PELI2: variants seen among roughly 807,000 people sequenced by gnomAD.
PELI2 encodes E3 ubiquitin-protein ligase pellino homolog 2.
Under a neutral mutation model 42.3 loss-of-function variants are expected in PELI2, and 23 were observed. The observed-to-expected ratio is 0.54, with a 90% CI of 0.39 to 0.77. The LOEUF (loss-of-function observed/expected upper bound fraction) is 0.77, where lower values mean the gene tolerates loss of function less well. Ranked by LOEUF, PELI2 falls within the 30% of genes least tolerant of loss-of-function variation. The pLI is 0.00. For synonymous variants in PELI2, 245 were observed against 212.2 expected (o/e 1.15, Z -1.34); for missense variants, 463 against 553.2 (o/e 0.84, Z 1.64).
At chr14:56,177,006 A>G (rs943511529) in intron 1 of PELI2, among the ~76,000 whole-genome samples, 11 of 152,248 alleles carry the variant, frequency 7.2e-5, no homozygotes. Flanking sequence ...CACGTTTAAG[A>G]AAATAGTGTA....
chr14:56,296,280 C>G lies in PELI2; in HGVS notation c.697-320C>G, dbSNP rs369287997. 1.3e-4 allele frequency among the ~76,000 whole-genome samples: 20 copies of G among 152,232 alleles called. 1 individual carries two copies. Among genetic ancestry groups the G allele is most frequent in the Admixed American group, 8.5e-4 (13 of 15,300 alleles). ...GATCAGTGAGTCATTGTGTTACTGA[C>G]TTAAGGAGTTAAAAAGAAAATCTTA... On this transcript the variant is annotated intron_variant, in intron 5 of 5. Coordinates refer to ENST00000267460, the MANE Select transcript of PELI2 (RefSeq NM_021255.3).
At chr14:56,176,971 G>C (rs1306515450) in intron 1 of PELI2, among the ~76,000 whole-genome samples, 1 of 152,220 alleles carries the variant, frequency 6.6e-6, no homozygotes, top group African/African-American at 2.4e-5. Context: ...TTGACTCATG[G>C]ATACTTTATA....
chr14:56,229,437 A>G (rs1887478899), intron 2 of PELI2, among the ~76,000 whole-genome samples: 1 of 152,154 alleles, frequency 6.6e-6, no homozygotes, highest in Admixed American at 6.5e-5. Flanking sequence ...GTTCTGCAAT[A>G]TTTGCTGTTC....
chr14:56,186,932 C>G (rs1885788500), intron 2 of PELI2, among the ~76,000 whole-genome samples: 1 of 152,138 alleles, frequency 6.6e-6, no homozygotes, highest in Admixed American at 6.5e-5. Context: ...GACCCTGATT[C>G]AGGCACTTGC....
intron 2 of PELI2, among the ~76,000 whole-genome samples, chr14:56,206,731 G>A (rs1403272007): frequency 6.6e-6 from 1 of 151,842 alleles, no homozygotes; most frequent in Admixed American, 6.6e-5. Flanking sequence ...GTTTCCTGCT[G>A]TTGAGTATTT....
At chr14:56,238,253 A>G (rs1887863384) in intron 2 of PELI2, among the ~76,000 whole-genome samples, 1 of 152,192 alleles carries the variant, frequency 6.6e-6, no homozygotes, top group South Asian at 2.1e-4. Context: ...TGACTTTTAA[A>G]ATGTTATATT....
intron 4 of PELI2, among the ~76,000 whole-genome samples, chr14:56,289,986 A>T (rs192475922): frequency 5.9e-5 from 9 of 152,318 alleles, no homozygotes; most frequent in African/African-American, 1.9e-4. Flanking sequence ...TGGGGAAGGT[A>T]AAAAGAATCT....
chr14:56,164,619 G>A (rs1884884838), intron 1 of PELI2, among the ~76,000 whole-genome samples: 1 of 152,098 alleles, frequency 6.6e-6, no homozygotes, highest in South Asian at 2.1e-4. Context: ...ATTGGTATTA[G>A]TTCTTCTTTA....
At chr14:56,230,650 C>T (rs1377386148) in intron 2 of PELI2, among the ~76,000 whole-genome samples, 2 of 152,140 alleles carry the variant, frequency 1.3e-5, no homozygotes, top group South Asian at 2.1e-4. Context: ...AAAAACATGC[C>T]AAATTGTAAA....
In PELI2 at chr14:56,270,575, C is replaced by T. The variant is rs1889067936; in HGVS notation, c.208-9101C>T. On this transcript the variant is annotated intron_variant, in intron 2 of 5. Transcript: ENST00000267460. ...ATACCAGGATTATCTCTAATTAATACAGTCAATATCTAGCATATACTTAAA... is the reference window on the plus strand; with the variant it reads ...ATACCAGGATTATCTCTAATTAATATAGTCAATATCTAGCATATACTTAAA... 3.3e-5 allele frequency among the ~76,000 whole-genome samples: 5 copies of T among 152,310 alleles called. No individual in the cohort carries two copies. The South Asian group carries it at 1.0e-3, about 32-fold the overall frequency.
chr14:56,272,628 A>G (rs1307349967), intron 2 of PELI2, among the ~76,000 whole-genome samples: 2 of 152,228 alleles, frequency 1.3e-5, no homozygotes, highest in Admixed American at 6.5e-5. Flanking sequence ...TTCTCTGGCA[A>G]TACTTTGAAT....
At chr14:56,230,580 T>A (rs1887523246) in intron 2 of PELI2, among the ~76,000 whole-genome samples, 1 of 152,116 alleles carries the variant, frequency 6.6e-6, no homozygotes, top group South Asian at 2.1e-4. Flanking sequence ...AGGCCTGCCT[T>A]ACAAGAGCTC....
At chr14:56,150,302 G>T (rs144466326) in intron 1 of PELI2, among the ~76,000 whole-genome samples, 1 of 152,296 alleles carries the variant, frequency 6.6e-6, no homozygotes, top group East Asian at 1.9e-4. Context: ...CCAAAATAAA[G>T]AAATTCATTT....
At chr14:56,251,192 G>T (rs551304212) in intron 2 of PELI2, among the ~76,000 whole-genome samples, 1 of 152,196 alleles carries the variant, frequency 6.6e-6, no homozygotes, top group Non-Finnish European at 1.5e-5. Flanking sequence ...CTCACAGCGG[G>T]CAGCAGGAGC....
intron 1 of PELI2, among the ~76,000 whole-genome samples, chr14:56,156,301 A>T (rs1884564035): frequency 6.6e-6 from 1 of 152,164 alleles, no homozygotes; most frequent in Non-Finnish European, 1.5e-5. Flanking sequence ...CCCCAAGCAA[A>T]ATATATTTTT....
rs140104044 is a variant in PELI2, at chr14:56,135,261, C to T, written c.77+16524C>T. On this transcript the variant is annotated intron_variant, in intron 1 of 5. Coordinates refer to ENST00000267460, the MANE Select transcript of PELI2 (RefSeq NM_021255.3). ...TGTGTGCACACACCTTGGGAGTAAG[C>T]CACAATCCAAATGATTTGTGAATTG... 9.9e-5 allele frequency among the ~76,000 whole-genome samples: 15 copies of T among 152,204 alleles called. 1 individual carries two copies. The East Asian group carries it at 2.9e-3, about 29-fold the overall frequency.
At chr14:56,260,068 T>G (rs1336723260) in intron 2 of PELI2, among the ~76,000 whole-genome samples, 1 of 152,160 alleles carries the variant, frequency 6.6e-6, no homozygotes, top group Non-Finnish European at 1.5e-5. Context: ...TTGATATACA[T>G]TCAGCACTAT....
At chr14:56,175,650 A>T (rs1349703820) in intron 1 of PELI2, among the ~76,000 whole-genome samples, 1 of 152,166 alleles carries the variant, frequency 6.6e-6, no homozygotes, top group African/African-American at 2.4e-5. Flanking sequence ...CTGGCTTATT[A>T]TTTGCTTAAC....
chr14:56,256,458 GA>G (rs944601086), intron 2 of PELI2, among the ~76,000 whole-genome samples: 8 of 142,624 alleles, frequency 5.6e-5, no homozygotes, highest in East Asian at 4.1e-4. Context: ...TCTCAAAAAA[GA>G]AAAAAAAAAT....
Sources: allele counts gnomAD v4.1 joint callset (sites outside exome capture counted in the v4.1 genomes callset), GRCh38; gene constraint gnomAD v4.1.1; transcripts MANE v1.5; gene names NCBI Gene and HGNC (gene_info 2026-07-23, HGNC 2026-07-21).